OR8B2: variants seen among roughly 807,000 people sequenced by gnomAD.
OR8B2 encodes olfactory receptor 8B2.
For synonymous variants in OR8B2, 98 were observed against 138.2 expected, an observed-to-expected ratio of 0.71 and a Z score of 2.04; for missense variants, 304 against 379.6, an observed-to-expected ratio of 0.80 and a Z score of 1.65.
chr11:124,393,370 A>G, the OR8B2 span, among the ~76,000 whole-genome samples: 1 of 149,464 alleles, frequency 6.7e-6, no homozygotes, highest in Non-Finnish European at 1.5e-5. Context: ...TCATGTGACA[A>G]AGGGCTAATA....
the OR8B2 span, chr11:124,397,193 A>G: frequency 7.6e-5 from 123 of 1,611,656 alleles, no homozygotes; most frequent in Non-Finnish European, 1.0e-4. Flanking sequence ...TGTGGAGGTG[A>G]GAATTTAGAC....
the OR8B2 span, among the ~76,000 whole-genome samples, chr11:124,389,506 G>T: frequency 6.6e-6 from 1 of 152,218 alleles, no homozygotes; most frequent in African/African-American, 2.4e-5. Context: ...TCATGAGTGA[G>T]TGTGTCTCTT....
rs1407086039 is a variant in OR8B2, at chr11:124,382,698, T to C, written c.646A>G (p.Ile216Val). Residue 216 changes from isoleucine (I) to valine (V), a missense_variant, in exon 2 of 2, where the codon ATT (isoleucine) becomes GTT (valine). Transcript: ENST00000641451. The stretch of plus-strand genomic sequence containing the variant: ...CTAGTGACAATGAAAACATAAGAAA[T>C]GAGGATGGTACAACTGGGTACCGTG... ...NITVPSCTIL[I>V]SYVFIVTSIL... The C allele has an allele frequency of 6.2e-7, 1 of 1,613,626 alleles. No homozygotes were observed. The highest frequency in any genetic ancestry group is 8.5e-7 in the Non-Finnish European group (1 of 1,179,812).
the OR8B2 span, among the ~76,000 whole-genome samples, chr11:124,394,744 G>A: frequency 3.3e-5 from 5 of 152,154 alleles, no homozygotes; most frequent in African/African-American, 9.6e-5. Flanking sequence ...CCCACCGATG[G>A]GTCTCTTCAT....
the OR8B2 span, among the ~76,000 whole-genome samples, chr11:124,390,258 G>A: frequency 6.6e-6 from 1 of 152,150 alleles, no homozygotes; most frequent in African/African-American, 2.4e-5. Flanking sequence ...TGGAACAGCT[G>A]GTAAGGGAGT....
At chr11:124,386,832 C>T (rs1860709247), upstream of OR8B2, among the ~76,000 whole-genome samples, 1 of 152,076 alleles carries the variant, frequency 6.6e-6, no homozygotes, top group South Asian at 2.1e-4. Context: ...GGAATGGCCA[C>T]ACTGACTTCC....
chr11:124,396,167 A>G, the OR8B2 span: 2 of 411,044 alleles, frequency 4.9e-6, no homozygotes, highest in Non-Finnish European at 8.6e-6. Flanking sequence ...ATAAAATGAT[A>G]ATGAAAAATA....
At chr11:124,396,296 C>T in the OR8B2 span, 2 of 941,688 alleles carry the variant, frequency 2.1e-6, no homozygotes, top group Non-Finnish European at 3.1e-6. Flanking sequence ...AATGATAAGA[C>T]AAGTTTATTA....
At chr11:124,396,516 T>A in the OR8B2 span, 1 of 1,614,054 alleles carries the variant, frequency 6.2e-7, no homozygotes, top group Non-Finnish European at 8.5e-7. Flanking sequence ...GGGCACCACA[T>A]TAGTGTAGAA....
At chr11:124,392,802 C>A in the OR8B2 span, among the ~76,000 whole-genome samples, 2 of 150,722 alleles carry the variant, frequency 1.3e-5, no homozygotes, top group Non-Finnish European at 2.9e-5. Context: ...GCCCGCATCA[C>A]CAAGTCAATC....
the OR8B2 span, among the ~76,000 whole-genome samples, chr11:124,391,790 C>A: frequency 6.6e-6 from 1 of 151,850 alleles, no homozygotes; most frequent in Admixed American, 6.6e-5. Context: ...GATACCAAAG[C>A]CTGGCAGAGA....
upstream of OR8B2, among the ~76,000 whole-genome samples, chr11:124,386,620 G>C (rs1452065819): frequency 1.3e-5 from 2 of 151,566 alleles, no homozygotes; most frequent in East Asian, 1.9e-4. Context: ...GTATTCCATG[G>C]TGTACACGTG....
At chr11:124,390,615 GAT>G in the OR8B2 span, among the ~76,000 whole-genome samples, 3 of 152,044 alleles carry the variant, frequency 2.0e-5, no homozygotes, top group African/African-American at 7.2e-5. Flanking sequence ...GGTATTTTTT[GAT>G]ATATATTTTA....
chr11:124,384,435 G>A lies in OR8B2; in HGVS notation c.-79C>T, dbSNP rs1860660232. ...ATATGTGTTTCACCTCCACTGCCCT[G>A]GAGGTAGAACTGGTGGTGAAGGTAT... On this transcript the variant is annotated 5_prime_UTR_variant, in exon 1 of 2. Transcript: ENST00000641451. The A allele has an allele frequency of 6.6e-6, 1 of 152,172 alleles. No homozygotes were observed. The highest frequency in any genetic ancestry group is 2.4e-5 in the African/African-American group (1 of 41,450). 9.4% of individuals were successfully genotyped at this position (152,172 alleles called of 1,614,324 possible). A position where few individuals can be genotyped will look rare whatever the true frequency, so the allele number is the denominator to read the frequency against.
upstream of OR8B2, among the ~76,000 whole-genome samples, chr11:124,387,025 T>G (rs1400235419): frequency 6.6e-6 from 1 of 152,278 alleles, no homozygotes; most frequent in African/African-American, 2.4e-5. Context: ...TGAGTATTTT[T>G]TCATGTGTTT....
upstream of OR8B2, chr11:124,384,597 G>T (rs1314113748): frequency 3.9e-5 from 6 of 151,926 alleles, no homozygotes; most frequent in African/African-American, 1.5e-4. Flanking sequence ...TGCCAAGAGG[G>T]TTTGTTAGAA....
At chr11:124,394,908 A>G in the OR8B2 span, among the ~76,000 whole-genome samples, 3 of 152,180 alleles carry the variant, frequency 2.0e-5, no homozygotes, top group Non-Finnish European at 2.9e-5. Context: ...GTTAAGCAAG[A>G]TACTCCAGTT....
At chr11:124,396,359 CTAAT>C in the OR8B2 span, 1 of 1,468,336 alleles carries the variant, frequency 6.8e-7, no homozygotes, top group Non-Finnish European at 9.2e-7. Context: ...ATGGAACACA[CTAAT>C]AAAAATTTAA....
At chr11:124,397,186 G>A in the OR8B2 span, 2 of 1,612,016 alleles carry the variant, frequency 1.2e-6, no homozygotes, top group Non-Finnish European at 1.7e-6. Context: ...ATTGGTGTGT[G>A]GAGGTGAGAA....
Sources: allele counts gnomAD v4.1 joint callset (sites outside exome capture counted in the v4.1 genomes callset), GRCh38; gene constraint gnomAD v4.1.1; transcripts MANE v1.5; gene names NCBI Gene and HGNC (gene_info 2026-07-23, HGNC 2026-07-21).